Variants in MAF observed in about 807,000 individuals in gnomAD.
MAF encodes the protein transcription factor Maf.
Under a neutral mutation model 22.0 loss-of-function variants are expected in MAF, and 10 were observed. The observed-to-expected ratio is 0.45, with a 90% CI of 0.28 to 0.77. The LOEUF (loss-of-function observed/expected upper bound fraction) is 0.77. Ranked by LOEUF, MAF falls within the 30% of genes least tolerant of loss-of-function variation. MAF has a pLI of 0.12. For synonymous variants in MAF, 337 were observed against 255.8 expected, an observed-to-expected ratio of 1.32 and a Z score of -3.03; for missense variants, 544 against 548.4, an observed-to-expected ratio of 0.99 and a Z score of 0.08.
the MAF span, among the ~76,000 whole-genome samples, chr16:79,376,521 ATT>A: frequency 6.6e-6 from 1 of 151,428 alleles, no homozygotes; most frequent in South Asian, 2.1e-4. Context: ...ATTTTATTTT[ATT>A]TTTTTTCTTT....
chr16:79,588,325 A>T (rs940201866), intron 1 of MAF, among the ~76,000 whole-genome samples: 2 of 152,232 alleles, frequency 1.3e-5, no homozygotes, highest in African/African-American at 4.8e-5. Context: ...CAGCAGTTTC[A>T]GCCCAGGCTC....
At chr16:79,419,545 G>A in the MAF span, among the ~76,000 whole-genome samples, 2 of 152,128 alleles carry the variant, frequency 1.3e-5, no homozygotes, top group South Asian at 2.1e-4. Context: ...GCACTGAGCC[G>A]GGCAACTCTC....
chr16:79,247,033 T>C, the MAF span, among the ~76,000 whole-genome samples: 9,736 of 152,210 alleles, frequency 0.064, 406 homozygotes, highest in Non-Finnish European at 0.096. Context: ...GTAAGTGCTA[T>C]GAGGAAAATA....
chr16:79,409,919 A>G, the MAF span, among the ~76,000 whole-genome samples: 4 of 152,234 alleles, frequency 2.6e-5, no homozygotes, highest in Non-Finnish European at 4.4e-5. Context: ...GTTATTGTCA[A>G]TAACTTAAAA....
chr16:79,217,970 T>C, the MAF span, among the ~76,000 whole-genome samples: 1 of 112,574 alleles, frequency 8.9e-6, no homozygotes, highest in Non-Finnish European at 1.6e-5. Flanking sequence ...GCAGGCACCA[T>C]TTTTAGAAGC....
Position 79,600,003 on chromosome 16 carries a change from C to A in MAF, c.-101G>T, listed in dbSNP as rs1333156101. 7 of 1,539,662 alleles carry A rather than the reference C, an allele frequency of 4.5e-6. No homozygotes were observed. The Admixed American group carries it at 1.1e-4, about 23-fold the overall frequency. On this transcript the variant is annotated 5_prime_UTR_variant, in exon 1 of 2. Coordinates refer to ENST00000326043, the MANE Select transcript of MAF (RefSeq NM_005360.5). Reference sequence around the variant, plus strand: ...GGTGGCCAGCGGGTGAGCCAGCTTGCCGGGCTGGGGCGCTTCTAGCTTGCG... The same window carrying A: ...GGTGGCCAGCGGGTGAGCCAGCTTGACGGGCTGGGGCGCTTCTAGCTTGCG...
the MAF span, among the ~76,000 whole-genome samples, chr16:79,531,341 T>C: frequency 6.6e-6 from 1 of 152,176 alleles, no homozygotes; most frequent in South Asian, 2.1e-4. Context: ...CTCCCCATCC[T>C]TTCTAACACC....
At chr16:79,360,151 AG>A in the MAF span, among the ~76,000 whole-genome samples, 2 of 152,146 alleles carry the variant, frequency 1.3e-5, no homozygotes, top group African/African-American at 2.4e-5. Flanking sequence ...TGTCTCCATT[AG>A]CCACCCTGTT....
the MAF span, among the ~76,000 whole-genome samples, chr16:79,272,360 G>A: frequency 4.6e-5 from 7 of 152,290 alleles, no homozygotes; most frequent in South Asian, 4.1e-4. Context: ...CCTTTAGTAC[G>A]AGCCCAAGAG....
chr16:79,315,273 G>A, the MAF span, among the ~76,000 whole-genome samples: 1 of 152,120 alleles, frequency 6.6e-6, no homozygotes, highest in Non-Finnish European at 1.5e-5. Context: ...GGTGATAAGT[G>A]TACAAAGAAA....
chr16:79,416,895 G>A, the MAF span, among the ~76,000 whole-genome samples: 1 of 152,110 alleles, frequency 6.6e-6, no homozygotes, highest in Non-Finnish European at 1.5e-5. Flanking sequence ...ACAGCCTTTT[G>A]TTTTTTACTC....
At chr16:79,420,917 C>A in the MAF span, among the ~76,000 whole-genome samples, 1 of 152,136 alleles carries the variant, frequency 6.6e-6, no homozygotes, top group East Asian at 1.9e-4. Flanking sequence ...ACCTGTAATC[C>A]CAGCTACTTG....
the MAF span, chr16:79,211,608 C>A: frequency 3.1e-5 from 50 of 1,614,040 alleles, no homozygotes; most frequent in Non-Finnish European, 4.2e-5. Flanking sequence ...GGATTTCCAG[C>A]AACAGGGAGC....
the MAF span, among the ~76,000 whole-genome samples, chr16:79,456,133 T>C: frequency 6.6e-6 from 1 of 152,186 alleles, no homozygotes; most frequent in East Asian, 1.9e-4. Context: ...GTCTCTACCA[T>C]CTGCAATGTG....
the MAF span, among the ~76,000 whole-genome samples, chr16:79,421,261 G>A: frequency 3.3e-5 from 5 of 152,302 alleles, no homozygotes; most frequent in South Asian, 4.1e-4. Flanking sequence ...GTGGATAAGC[G>A]CTGGCTGCTG....
the MAF span, among the ~76,000 whole-genome samples, chr16:79,242,890 A>T: frequency 3.9e-5 from 6 of 152,122 alleles, no homozygotes; most frequent in African/African-American, 1.2e-4. Context: ...CTCAAGATTT[A>T]AAAACTCACT....
At chr16:79,506,428 G>A in the MAF span, among the ~76,000 whole-genome samples, 5 of 152,084 alleles carry the variant, frequency 3.3e-5, no homozygotes, top group East Asian at 3.9e-4. Context: ...ATCTCTTAGC[G>A]TCTTTGGCAA....
chr16:79,252,884 G>C, the MAF span, among the ~76,000 whole-genome samples: 1 of 152,174 alleles, frequency 6.6e-6, no homozygotes, highest in Non-Finnish European at 1.5e-5. Context: ...TGTGAAAGGG[G>C]TGTAAAAGTA....
the MAF span, among the ~76,000 whole-genome samples, chr16:79,208,514 G>T: frequency 6.6e-6 from 1 of 152,108 alleles, no homozygotes; most frequent in African/African-American, 2.4e-5. Context: ...ATTTTATAAC[G>T]GAGTTGTTAA....
Sources: gnomAD v4.1 joint callset for allele counts (sites outside exome capture counted in the v4.1 genomes callset) on GRCh38, gnomAD v4.1.1 for gene constraint, MANE v1.5 for transcripts, NCBI Gene and HGNC (gene_info 2026-07-23, HGNC 2026-07-21) for gene names.